RARB: variants seen among roughly 807,000 people sequenced by gnomAD.
RARB encodes HBV-activated protein.
A neutral mutation model predicts 51.9 loss-of-function variants in RARB; 17 were observed. The observed-to-expected ratio is 0.33, with a 90% confidence interval of 0.22 to 0.49. RARB has a LOEUF of 0.49. Among genes scored for constraint, RARB ranks in the 20% least tolerant of loss-of-function variants. The pLI is 0.99. For synonymous variants in RARB, 215 were observed against 195.4 expected (o/e 1.10, Z -0.84); for missense variants, 369 against 550.8 (o/e 0.67, Z 3.30).
chr3:25,147,302 C>A (rs904276933), intron 4 of RARB, among the ~76,000 whole-genome samples: 1 of 152,090 alleles, frequency 6.6e-6, no homozygotes, highest in Non-Finnish European at 1.5e-5. Context: ...ACCGGTTCTT[C>A]CCAACACCAA....
At chr3:24,914,051 C>T (rs1250657383) in intron 2 of RARB, among the ~76,000 whole-genome samples, 1 of 152,224 alleles carries the variant, frequency 6.6e-6, no homozygotes, top group African/African-American at 2.4e-5. Context: ...TGGTGCCAAT[C>T]ACACATGAAA....
chr3:25,274,709 G>T (rs1200517061), intron 5 of RARB, among the ~76,000 whole-genome samples: 2 of 152,170 alleles, frequency 1.3e-5, no homozygotes, highest in Middle Eastern at 3.2e-3. Context: ...AGCTGGACTT[G>T]ACTTTCTTCC....
intron 5 of RARB, among the ~76,000 whole-genome samples, chr3:25,274,617 A>C (rs1320846628): frequency 6.6e-6 from 1 of 152,092 alleles, no homozygotes; most frequent in African/African-American, 2.4e-5. Context: ...ACAACCCCCA[A>C]ATCTCATTAG....
At chr3:25,158,922 T>C (rs759231652) in intron 4 of RARB, among the ~76,000 whole-genome samples, 2 of 151,960 alleles carry the variant, frequency 1.3e-5, no homozygotes, top group Non-Finnish European at 2.9e-5. Context: ...GCCTGAAAAA[T>C]TCTGTAGGCG....
At chr3:25,482,608 C>T (rs1174463821) in intron 2 of RARB, among the ~76,000 whole-genome samples, 3 of 133,136 alleles carry the variant, frequency 2.3e-5, no homozygotes, top group African/African-American at 5.9e-5. Context: ...GGCGTGATCT[C>T]GGCTCACTGC....
chr3:25,036,455 T>C (rs1289916403), intron 2 of RARB, among the ~76,000 whole-genome samples: 1 of 152,236 alleles, frequency 6.6e-6, no homozygotes, highest in African/African-American at 2.4e-5. Context: ...AAGAAACAAC[T>C]AGACTAATAG....
chr3:25,214,060 A>G (rs973040689), intron 5 of RARB, among the ~76,000 whole-genome samples: 4 of 152,226 alleles, frequency 2.6e-5, no homozygotes, highest in Non-Finnish European at 5.9e-5. Flanking sequence ...ATTTCTGTGA[A>G]GATGCAATAC....
At chr3:25,342,553 G>A (rs1308422775) in intron 5 of RARB, among the ~76,000 whole-genome samples, 1 of 152,184 alleles carries the variant, frequency 6.6e-6, no homozygotes, top group South Asian at 2.1e-4. Flanking sequence ...TTAAAAAGGA[G>A]AGGCAAAACA....
chr3:24,897,557 T>TA, intron 2 of RARB, among the ~76,000 whole-genome samples: 1 of 152,172 alleles, frequency 6.6e-6, no homozygotes, highest in Admixed American at 6.5e-5. Context: ...TAGAATACTA[T>TA]AAAAAACTTG....
intron 5 of RARB, among the ~76,000 whole-genome samples, chr3:25,205,387 C>A (rs1701512677): frequency 1.3e-5 from 2 of 152,242 alleles, no homozygotes; most frequent in South Asian, 4.2e-4. Flanking sequence ...TGAGGCAATG[C>A]CTCACCCTGC....
At chr3:25,068,217 CT>C (rs1559454245) in intron 3 of RARB, among the ~76,000 whole-genome samples, 1 of 149,600 alleles carries the variant, frequency 6.7e-6, no homozygotes, top group Non-Finnish European at 1.5e-5. Context: ...ATCTGTCCCC[CT>C]CTCCCACTCT....
chr3:25,561,257 A>G (rs1206215111), intron 3 of RARB, among the ~76,000 whole-genome samples: 14 of 151,334 alleles, frequency 9.3e-5, no homozygotes, highest in Admixed American at 6.6e-4. Context: ...GGAATGACCA[A>G]TTGTTTTCTT....
At chr3:25,372,524 T>C (rs1706331604) in intron 5 of RARB, among the ~76,000 whole-genome samples, 1 of 152,186 alleles carries the variant, frequency 6.6e-6, no homozygotes, top group African/African-American at 2.4e-5. Context: ...AGTTTTTAAC[T>C]GCAGAAAGAG....
At chr3:25,014,587 G>C (rs1697468545) in intron 2 of RARB, among the ~76,000 whole-genome samples, 1 of 152,072 alleles carries the variant, frequency 6.6e-6, no homozygotes. Flanking sequence ...ATGTCACATA[G>C]AGTAGAGATG....
intron 2 of RARB, among the ~76,000 whole-genome samples, chr3:24,937,317 G>A (rs1306751586): frequency 6.6e-6 from 1 of 152,134 alleles, no homozygotes; most frequent in Non-Finnish European, 1.5e-5. Flanking sequence ...TATGTGGAGT[G>A]CAGTATGCTG....
At position 24,893,730 on chromosome 3, in the gene RARB, GCCT is replaced by G. The variant is rs546115699; in HGVS notation, c.-380+34979_-380+34981del. On this transcript the variant is annotated intron_variant, in intron 2 of 11. Transcript: ENST00000383772. ...TGTAGAGATGGGGTCTCACTATGTTGCCTAGGTGGGTCTCAGACTTCTGGACTC... is the reference window on the plus strand; with the variant it reads ...TGTAGAGATGGGGTCTCACTATGTTGAGGTGGGTCTCAGACTTCTGGACTC... Among the ~76,000 whole-genome samples the G allele has an allele frequency of 6.4e-3, 961 of 150,444 alleles. 3 individuals are homozygous for G. Among genetic ancestry groups the G allele is most frequent in the Non-Finnish European group, 0.011 (749 of 67,694 alleles).
chr3:25,201,593 G>T (rs562468979), intron 5 of RARB, among the ~76,000 whole-genome samples: 1 of 152,286 alleles, frequency 6.6e-6, no homozygotes, highest in African/African-American at 2.4e-5. Context: ...TTATTATTTT[G>T]AGATAGGTCC....
At chr3:25,119,667 A>AAC (rs1699747613) in intron 3 of RARB, among the ~76,000 whole-genome samples, 1 of 151,790 alleles carries the variant, frequency 6.6e-6, no homozygotes, top group Admixed American at 6.6e-5. Flanking sequence ...AACAAAAAAA[A>AAC]AACAACAACA....
At chr3:25,117,765 G>A (rs1430342586) in intron 3 of RARB, among the ~76,000 whole-genome samples, 1 of 152,134 alleles carries the variant, frequency 6.6e-6, no homozygotes, top group African/African-American at 2.4e-5. Flanking sequence ...TGGATCATTG[G>A]TGGAACAAGT....
Sources: gnomAD v4.1 joint callset for allele counts (sites outside exome capture counted in the v4.1 genomes callset) on GRCh38, gnomAD v4.1.1 for gene constraint, MANE v1.5 for transcripts, NCBI Gene and HGNC (gene_info 2026-07-23, HGNC 2026-07-21) for gene names.